ZNF804B: variants seen among roughly 807,000 people sequenced by gnomAD.
ZNF804B encodes the protein zinc finger protein 804B.
In ZNF804B, 80 loss-of-function variants were observed where a neutral mutation model predicts 101.4. The observed-to-expected ratio is 0.79, with a 90% confidence interval of 0.66 to 0.95. The LOEUF (loss-of-function observed/expected upper bound fraction) is 0.95, where lower values mean the gene tolerates loss of function less well. ZNF804B is among the 40% of genes least tolerant of loss of function. The pLI is 0.00. For missense variants in ZNF804B, 1,673 were observed against 1,561.9 expected, an observed-to-expected ratio of 1.07 and a Z score of -1.20; for synonymous variants, 622 against 558.8, an observed-to-expected ratio of 1.11 and a Z score of -1.59.
intron 2 of ZNF804B, among the ~76,000 whole-genome samples, chr7:89,223,323 T>C (rs1789034054): frequency 6.6e-6 from 1 of 151,860 alleles, no homozygotes. Context: ...GATAACGAAA[T>C]AATCTATGAA....
chr7:89,336,839 T>C lies in ZNF804B; in HGVS notation c.3857T>C (p.Leu1286Pro), dbSNP rs1791102311. ...CCATCTCACATAACACTTCAGCCTC[T>C]GCCCCCTACAGCATTTATTCCTACA... ...FHPSHITLQP[L>P]PPTAFIPTLF... Residue 1286 changes from leucine (L) to proline (P), a missense_variant, in exon 4 of 4, where the codon CTG (leucine) becomes CCG (proline). By Grantham distance (98) the Leu-to-Pro change is moderately conservative. Coordinates refer to ENST00000333190, the MANE Select transcript of ZNF804B (RefSeq NM_181646.5). 1 of 1,613,970 alleles carries C rather than the reference T, an allele frequency of 6.2e-7. No individual in the cohort carries two copies. The highest frequency in any genetic ancestry group is 8.5e-7 in the Non-Finnish European group (1 of 1,179,994).
chr7:88,963,445 A>G (rs1793415757), intron 1 of ZNF804B, among the ~76,000 whole-genome samples: 1 of 151,344 alleles, frequency 6.6e-6, no homozygotes, highest in Admixed American at 6.6e-5. Flanking sequence ...AGATGGTGCT[A>G]GGAAACATGG....
chr7:89,301,910 T>C (rs546212454), intron 2 of ZNF804B, among the ~76,000 whole-genome samples: 26 of 151,950 alleles, frequency 1.7e-4, no homozygotes, highest in South Asian at 4.2e-4. Flanking sequence ...TTTTATAACA[T>C]TGTTTGACAT....
intron 1 of ZNF804B, among the ~76,000 whole-genome samples, chr7:89,128,905 C>G (rs1035094194): frequency 6.6e-6 from 1 of 151,910 alleles, no homozygotes; most frequent in African/African-American, 2.4e-5. Flanking sequence ...TGGCTAAGTG[C>G]CTCATGCCAA....
At position 89,056,967 on chromosome 7, in the gene ZNF804B, T is replaced by C. The variant is rs74576778; in HGVS notation, c.109-161188T>C. Among the ~76,000 whole-genome samples the C allele has an allele frequency of 5.3e-4, 81 of 152,190 alleles. 3 individuals carry two copies. In the East Asian group the frequency reaches 0.015, roughly 28 times the overall value. ...TTTGGAGTGGGCTAAAGTGTGAAGA[T>C]CGTTGATTGGTCAAAGAGTGCAGGG... On this transcript the variant is annotated intron_variant, in intron 1 of 3. Coordinates refer to ENST00000333190, the MANE Select transcript of ZNF804B (RefSeq NM_181646.5).
chr7:88,987,358 C>T (rs554977710), intron 1 of ZNF804B, among the ~76,000 whole-genome samples: 2 of 152,094 alleles, frequency 1.3e-5, no homozygotes, highest in Non-Finnish European at 2.9e-5. Context: ...GTTAAAAACC[C>T]AGCACATTTC....
intron 1 of ZNF804B, among the ~76,000 whole-genome samples, chr7:88,839,354 C>T (rs1475548615): frequency 3.3e-5 from 5 of 151,818 alleles, no homozygotes; most frequent in East Asian, 3.9e-4. Flanking sequence ...CCCATAAATT[C>T]GTTATGTTAT....
intron 1 of ZNF804B, among the ~76,000 whole-genome samples, chr7:88,875,679 A>G (rs1313042609): frequency 5.3e-5 from 8 of 152,166 alleles, no homozygotes; most frequent in East Asian, 3.9e-4. Flanking sequence ...TAGCTTACCA[A>G]CCAAAAAGAG....
At chr7:89,040,150 A>G (rs1305580384) in intron 1 of ZNF804B, among the ~76,000 whole-genome samples, 2 of 151,996 alleles carry the variant, frequency 1.3e-5, no homozygotes, top group Non-Finnish European at 2.9e-5. Flanking sequence ...CATAAATCCC[A>G]TAGGCTTTCT....
intron 2 of ZNF804B, among the ~76,000 whole-genome samples, chr7:89,282,192 C>T (rs556383261): frequency 1.8e-5 from 2 of 113,592 alleles, no homozygotes; most frequent in Non-Finnish European, 3.5e-5. Flanking sequence ...CAGAGCGAGA[C>T]TCCGTCTAAA....
intron 1 of ZNF804B, among the ~76,000 whole-genome samples, chr7:88,778,136 G>T (rs1194615759): frequency 2.6e-5 from 4 of 152,036 alleles, no homozygotes; most frequent in Non-Finnish European, 5.9e-5. Context: ...GCTTTCTACA[G>T]GTATTCTCTC....
intron 1 of ZNF804B, among the ~76,000 whole-genome samples, chr7:89,169,564 G>T (rs62461944): frequency 0.2 from 30,646 of 151,954 alleles, 3,319 homozygotes; most frequent in Non-Finnish European, 0.22. Context: ...AGCTAGTCCT[G>T]TCTCTCAATA....
intron 1 of ZNF804B, among the ~76,000 whole-genome samples, chr7:89,141,927 A>G (rs1247155027): frequency 2.0e-5 from 3 of 151,416 alleles, no homozygotes; most frequent in African/African-American, 7.3e-5. Context: ...GTATTTCTCA[A>G]CATAAACTTC....
intron 1 of ZNF804B, among the ~76,000 whole-genome samples, chr7:88,926,633 T>A (rs1792804792): frequency 6.6e-6 from 1 of 151,732 alleles, no homozygotes; most frequent in South Asian, 2.1e-4. Flanking sequence ...ATACATAAAT[T>A]AATTAATTAA....
chr7:88,760,524 TC>T (rs1789879358), intron 1 of ZNF804B, among the ~76,000 whole-genome samples: 1 of 152,188 alleles, frequency 6.6e-6, no homozygotes, highest in South Asian at 2.1e-4. Context: ...TCAAAGATTT[TC>T]CCTCAAATCA....
intron 1 of ZNF804B, among the ~76,000 whole-genome samples, chr7:88,829,371 A>G (rs1191684729): frequency 1.3e-5 from 2 of 152,134 alleles, no homozygotes; most frequent in African/African-American, 4.8e-5. Flanking sequence ...CTCTAATTAA[A>G]TATCAAGAAT....
chr7:88,808,816 T>G (rs1790730769), intron 1 of ZNF804B, among the ~76,000 whole-genome samples: 1 of 152,184 alleles, frequency 6.6e-6, no homozygotes, highest in South Asian at 2.1e-4. Flanking sequence ...GCTATGTGGC[T>G]TATAAGAGTT....
intron 1 of ZNF804B, among the ~76,000 whole-genome samples, chr7:89,067,164 T>C (rs375196701): frequency 1.3e-5 from 2 of 152,102 alleles, no homozygotes; most frequent in African/African-American, 4.8e-5. Flanking sequence ...TAAAGAAACA[T>C]GTATTATAAG....
chr7:89,311,987 G>A (rs1056352789), intron 2 of ZNF804B, among the ~76,000 whole-genome samples: 1 of 152,032 alleles, frequency 6.6e-6, no homozygotes, highest in Non-Finnish European at 1.5e-5. Flanking sequence ...AAAGGATCTC[G>A]GTAATGCCTC....
Sources: allele counts gnomAD v4.1 joint callset (sites outside exome capture counted in the v4.1 genomes callset), GRCh38; gene constraint gnomAD v4.1.1; transcripts MANE v1.5; gene names NCBI Gene and HGNC (gene_info 2026-07-23, HGNC 2026-07-21).